The following DPY19L3 variants were observed in gnomAD, a reference collection of about 807,000 sequenced individuals.
DPY19L3 encodes dpy-19 like C-mannosyltransferase 3, also known as protein C-mannosyl-transferase DPY19L3.
Under a neutral mutation model 92.3 loss-of-function variants are expected in DPY19L3, and 51 were observed. The observed-to-expected ratio is 0.55, with a 90% confidence interval of 0.44 to 0.70. The LOEUF (loss-of-function observed/expected upper bound fraction) is 0.70. Ranked by LOEUF, DPY19L3 falls within the 30% of genes least tolerant of loss-of-function variation. The pLI is 0.00. For synonymous variants in DPY19L3, 309 were observed against 315.2 expected, an observed-to-expected ratio of 0.98 and a Z score of 0.21; for missense variants, 706 against 855.9, an observed-to-expected ratio of 0.82 and a Z score of 2.18.
chr19:32,447,818 A>AGATG (rs1969561421), intron 8 of DPY19L3, among the ~76,000 whole-genome samples: 1 of 88,720 alleles, frequency 1.1e-5, no homozygotes, highest in Non-Finnish European at 2.3e-5. Flanking sequence ...TAGATAGATT[A>AGATG]GATAGATAGA....
chr19:32,480,199 G>A (rs1970630290), intron 17 of DPY19L3, among the ~76,000 whole-genome samples, 200 bp from the exon 18 acceptor site: 1 of 152,160 alleles, frequency 6.6e-6, no homozygotes, highest in Non-Finnish European at 1.5e-5. Context: ...TCTTCCCAAG[G>A]CCGAGCACTC....
At chr19:32,461,406 G>C (rs1970036466) in intron 12 of DPY19L3, among the ~76,000 whole-genome samples, 1 of 152,222 alleles carries the variant, frequency 6.6e-6, no homozygotes, top group Admixed American at 6.5e-5. Context: ...CTGGGCTATG[G>C]GGGAGGTACT....
At chr19:32,408,074 C>G (rs567930044) in intron 1 of DPY19L3, 143 bp from the exon 2 acceptor site, 1 of 577,954 alleles carries the variant, frequency 1.7e-6, no homozygotes, top group African/African-American at 1.9e-5. Flanking sequence ...GACAGTGAGA[C>G]CCTGTCTTGG....
intron 10 of DPY19L3, among the ~76,000 whole-genome samples, chr19:32,455,910 A>G (rs1217495174): frequency 6.6e-6 from 1 of 152,114 alleles, no homozygotes; most frequent in African/African-American, 2.4e-5. Context: ...GCAAAACTAC[A>G]TTGGTATCTT....
intron 18 of DPY19L3, chr19:32,480,788 C>T: frequency 1.7e-6 from 1 of 588,994 alleles, no homozygotes; most frequent in Non-Finnish European, 3.0e-6. Flanking sequence ...CCCAGTGTCA[C>T]ACCAAACAGA....
chr19:32,448,135 C>T (rs899478853), intron 8 of DPY19L3, among the ~76,000 whole-genome samples: 9 of 152,044 alleles, frequency 5.9e-5, no homozygotes, highest in African/African-American at 2.2e-4. Context: ...AGTTTTGAGC[C>T]TCTGTGGTAC....
At chr19:32,419,477 T>G (rs1968491990) in intron 3 of DPY19L3, among the ~76,000 whole-genome samples, 1 of 151,896 alleles carries the variant, frequency 6.6e-6, no homozygotes, top group Non-Finnish European at 1.5e-5. Context: ...TACCTATTTT[T>G]TGAGACAGGT....
chr19:32,437,154 G>A (rs1283240425), intron 5 of DPY19L3, 40 bp from the exon 6 acceptor site: 4 of 1,611,372 alleles, frequency 2.5e-6, no homozygotes, highest in Non-Finnish European at 3.4e-6. Flanking sequence ...GGAGGGTTAG[G>A]GCTCACCTGA....
intron 3 of DPY19L3, among the ~76,000 whole-genome samples, chr19:32,430,329 G>T (rs1202498616): frequency 6.6e-6 from 1 of 152,088 alleles, no homozygotes; most frequent in Admixed American, 6.6e-5. Context: ...GCTACGATGA[G>T]CCGTGATCAT....
intron 16 of DPY19L3, among the ~76,000 whole-genome samples, chr19:32,469,989 A>G (rs573775982): frequency 6.6e-6 from 1 of 152,270 alleles, no homozygotes; most frequent in African/African-American, 2.4e-5. Flanking sequence ...ATGCTTACTC[A>G]CCAGTACAGG....
intron 16 of DPY19L3, among the ~76,000 whole-genome samples, chr19:32,476,792 ATAAT>A (rs1288335471): frequency 6.6e-6 from 1 of 152,170 alleles, no homozygotes; most frequent in Admixed American, 6.5e-5. Context: ...TATATGTAAA[ATAAT>A]TGCGTTTTCA....
intron 2 of DPY19L3, among the ~76,000 whole-genome samples, 163 bp from the exon 3 acceptor site, chr19:32,411,076 G>C (rs570514900): frequency 3.9e-5 from 6 of 152,348 alleles, no homozygotes; most frequent in African/African-American, 1.4e-4. Context: ...GTAATAGAAT[G>C]AAAACAGGTC....
chr19:32,406,648 A>G (rs1275002527), intron 1 of DPY19L3, among the ~76,000 whole-genome samples: 1 of 152,194 alleles, frequency 6.6e-6, no homozygotes. Flanking sequence ...TCGCCCGGCT[A>G]GCGCTAGTCG....
At chr19:32,452,691 C>G (rs1969741698) in intron 8 of DPY19L3, among the ~76,000 whole-genome samples, 1 of 151,506 alleles carries the variant, frequency 6.6e-6, no homozygotes, top group African/African-American at 2.4e-5. Context: ...ATTTAGTTTC[C>G]TTTTTTAGAT....
chr19:32,413,896 TTTAA>T (rs1968286080), intron 3 of DPY19L3, among the ~76,000 whole-genome samples: 1 of 152,056 alleles, frequency 6.6e-6, no homozygotes, highest in Non-Finnish European at 1.5e-5. Flanking sequence ...CAGCTAATTA[TTTAA>T]TTTTTTGTAG....
intron 12 of DPY19L3, among the ~76,000 whole-genome samples, chr19:32,458,816 A>G (rs542013981): frequency 6.6e-6 from 1 of 152,210 alleles, no homozygotes; most frequent in African/African-American, 2.4e-5. Flanking sequence ...GACTAAGAGT[A>G]CTTACTCTAC....
Position 32,482,129 on chromosome 19 carries a change from C to T in DPY19L3, c.2040C>T (p.His680=). ...ENDPDLKPAD[H]PRFCEEIKRN... ...ATCCTGATTTGAAACCTGCAGACCACCCTCGCTTCTGTGAAGAGATCAAAA... is the reference window on the plus strand; with the variant it reads ...ATCCTGATTTGAAACCTGCAGACCATCCTCGCTTCTGTGAAGAGATCAAAA... Residue 680 remains histidine, a synonymous_variant, in exon 19 of 19, where the codon CAC becomes CAT. Transcript: ENST00000392250. 6.2e-7 allele frequency: 1 copy of T among 1,613,832 alleles called. No individual in the cohort carries two copies. The highest frequency in any genetic ancestry group is 8.5e-7 in the Non-Finnish European group (1 of 1,179,858).
At chr19:32,458,057 C>G (rs374312156) in intron 10 of DPY19L3, 43 bp from the exon 11 acceptor site, 15 of 1,486,494 alleles carry the variant, frequency 1.0e-5, no homozygotes, top group Non-Finnish European at 1.4e-5. Context: ...GAAACCGTGC[C>G]TAAAGGACTA....
At chr19:32,479,665 C>G (rs1257127334) in intron 17 of DPY19L3, 1 of 391,514 alleles carries the variant, frequency 2.6e-6, no homozygotes. Flanking sequence ...CATGAACCCC[C>G]ACATTCAACA....
Sources: gnomAD v4.1 joint callset for allele counts (sites outside exome capture counted in the v4.1 genomes callset) on GRCh38, gnomAD v4.1.1 for gene constraint, MANE v1.5 for transcripts, NCBI Gene and HGNC (gene_info 2026-07-23, HGNC 2026-07-21) for gene names.